The following GMIP variants were observed in gnomAD, a reference collection of about 807,000 sequenced individuals.
The protein encoded by GMIP is GEM-interacting protein.
Under a neutral mutation model 105.3 loss-of-function variants are expected in GMIP, and 54 were observed. That is an observed-to-expected ratio of 0.51 (90% CI 0.41 to 0.64). The LOEUF (loss-of-function observed/expected upper bound fraction) is 0.64, where lower values mean the gene tolerates loss of function less well. GMIP is among the 30% of genes least tolerant of loss of function. The probability of loss-of-function intolerance (pLI) is 0.00; values close to 1 mark genes in which losing one functional copy is unlikely to be tolerated. For missense variants in GMIP, 1,110 were observed against 1,319.4 expected, an observed-to-expected ratio of 0.84 and a Z score of 2.46; for synonymous variants, 541 against 560.8, an observed-to-expected ratio of 0.96 and a Z score of 0.50.
Position 19,635,190 on chromosome 19 carries a change from G to A in GMIP, c.1584C>T (p.Arg528=). The A allele has an allele frequency of 6.2e-7, 1 of 1,613,440 alleles. No homozygotes were observed. The highest frequency in any genetic ancestry group is 1.7e-5 in the Admixed American group (1 of 59,846). The part of the protein sequence containing the change: ...CEECFLTCHK[R]CLETLLILCG... ...AGAGGATCAGGAGAGTCTCCAGGCA[G>A]CGCTTGTGGCAGGTCAGAAAGCACT... The change falls in exon 16 of 21, where the codon CGC becomes CGT. Residue 528 remains arginine (R), a synonymous_variant. Transcript: ENST00000203556. The surrounding 1 kb of genome is among the most constrained non-coding windows in gnomAD (Gnocchi z 4.7).
chr19:19,635,232 G>A lies in GMIP; in HGVS notation c.1561-19C>T. On this transcript the variant is annotated intron_variant, in intron 15 of 20. Transcript: ENST00000203556. This position sits in a 1 kb window ranked among gnomAD's most constrained non-coding sequence, Gnocchi z 4.7. ...GAAAGCACTGTGGGGAAGGTCACAG[G>A]GACAGGGAGGTCATTAGGGACCAGT... 1.2e-6 allele frequency: 2 copies of A among 1,602,094 alleles called. No individual in the cohort carries two copies. The highest frequency in any genetic ancestry group is 1.7e-6 in the Non-Finnish European group (2 of 1,172,404).
chr19:19,637,110 C>G lies in GMIP; in HGVS notation c.1125-81G>C. On this transcript the variant is annotated intron_variant, in intron 11 of 20. Transcript: ENST00000203556. This position sits in a 1 kb window ranked among gnomAD's most constrained non-coding sequence, Gnocchi z 6.7. Reference sequence around the variant, plus strand: ...GCACCCAGGCATCATGTCTAGGTACCAACTCCAAGCACTTGGGTCTGCAAA... The same window carrying G: ...GCACCCAGGCATCATGTCTAGGTACGAACTCCAAGCACTTGGGTCTGCAAA... The G allele has an allele frequency of 1.1e-6, 1 of 906,366 alleles. No homozygotes were observed. The highest frequency in any genetic ancestry group is 1.7e-6 in the Non-Finnish European group (1 of 577,366). 56.1% of individuals were successfully genotyped at this position (906,366 alleles called of 1,614,324 possible).
chr19:19,643,548 C>A lies in GMIP; in HGVS notation c.-19G>T. On this transcript the variant is annotated 5_prime_UTR_variant, in exon 1 of 21. Coordinates refer to ENST00000203556, the MANE Select transcript of GMIP (RefSeq NM_016573.4). ...CGTCCATATCTGGGCCCGGGGATCG[C>A]TCTGCAGGGACCGGGATGGGGATGG... The A allele has an allele frequency of 6.5e-7, 1 of 1,542,698 alleles. No homozygotes were observed. The highest frequency in any genetic ancestry group is 8.7e-7 in the Non-Finnish European group (1 of 1,142,860).
Position 19,635,439 on chromosome 19 carries a change from C to G in GMIP, c.1536G>C (p.Met512Ile). 6.2e-7 allele frequency: 1 copy of G among 1,609,804 alleles called. No homozygotes were observed. Among genetic ancestry groups the G allele is most frequent in the Non-Finnish European group, 8.5e-7 (1 of 1,179,950 alleles). ...CCTCCTCACACTCCGTCCCGCTGACCATGAAGGCTTCGCACTCGCGGCACT... is the reference window on the plus strand; with the variant it reads ...CCTCCTCACACTCCGTCCCGCTGACGATGAAGGCTTCGCACTCGCGGCACT... The part of the protein sequence containing the change: ...PAKCRECEAF[M>I]VSGTECEECF... The change falls in exon 15 of 21, where the codon ATG becomes ATC. Residue 512 changes from methionine (M) to isoleucine (I), a missense_variant. Transcript: ENST00000203556. The surrounding 1 kb of genome is among the most constrained non-coding windows in gnomAD (Gnocchi z 4.7).
intron 19 of GMIP, among the ~76,000 whole-genome samples, chr19:19,631,680 C>A (rs2061796491): frequency 6.6e-6 from 1 of 152,192 alleles, no homozygotes; most frequent in Non-Finnish European, 1.5e-5. Context: ...AGACTGGTGA[C>A]CTTTGTTAAA....
In GMIP at chr19:19,634,666, G is replaced by C. The variant is rs142686681; in HGVS notation, c.1925C>G (p.Ala642Gly). 105 of 1,612,066 alleles carry C rather than the reference G, an allele frequency of 6.5e-5. No individual in the cohort carries two copies. The highest frequency in any genetic ancestry group is 8.2e-5 in the Non-Finnish European group (97 of 1,178,884). ...EPVIPFHLYD[A>G]FISLAKTLHA... ...CAAGGTCTTAGCCAGAGAGATGAAG[G>C]CGTCGTAGAGGTGGAAGGGGATCAC... The change falls in exon 18 of 21, where the codon GCC (alanine) becomes GGC (glycine). Residue 642 changes from alanine to glycine, a missense_variant. Transcript: ENST00000203556. This position sits in a 1 kb window ranked among gnomAD's most constrained non-coding sequence, Gnocchi z 6.1.
chr19:19,637,612 G>A lies in GMIP; in HGVS notation c.928-51C>T, dbSNP rs780977940. On this transcript the variant is annotated intron_variant, in intron 10 of 20. Transcript: ENST00000203556. The surrounding 1 kb of genome is among the most constrained non-coding windows in gnomAD (Gnocchi z 6.7). ...GGAGGGGCGGAGCCTGGGAGCCTGG[G>A]GGCAGGGCCAGAGCTGGGGCGGGGC... 1.4e-6 allele frequency: 2 copies of A among 1,391,314 alleles called. No homozygotes were observed. Among genetic ancestry groups the A allele is most frequent in the East Asian group, 5.1e-5 (2 of 38,936 alleles). The allele number at this position is 1,391,314 out of a possible 1,614,324, so 86.2% of individuals were successfully genotyped here.
chr19:19,632,473 G>T (rs1017620398), intron 19 of GMIP, among the ~76,000 whole-genome samples: 5 of 152,110 alleles, frequency 3.3e-5, no homozygotes, highest in Non-Finnish European at 2.9e-5. Flanking sequence ...GGCGGAGGTT[G>T]TGGTGAGCCG....
chr19:19,641,762 G>GAAAGAC (rs1258083689), intron 4 of GMIP, 48 bp downstream of exon 4: 1 of 1,358,850 alleles, frequency 7.4e-7, no homozygotes, highest in Admixed American at 1.8e-5. Context: ...TTTGTTGAAG[G>GAAAGAC]AAAGACTCCT....
chr19:19,635,060 T>C lies in GMIP; in HGVS notation c.1714A>G (p.Thr572Ala). 1 of 1,614,044 alleles carries C rather than the reference T, an allele frequency of 6.2e-7. No homozygotes were observed. Among genetic ancestry groups the C allele is most frequent in the South Asian group, 1.1e-5 (1 of 91,080 alleles). Reference sequence around the variant, plus strand: ...AGGGCACGGTGTTCTATCTCAGCCGTGCACTTCGTGACCACAAAGGGTACC... The same window carrying C: ...AGGGCACGGTGTTCTATCTCAGCCGCGCACTTCGTGACCACAAAGGGTACC... ...EEVPFVVTKC[T>A]AEIEHRALDV... Residue 572 changes from threonine (T) to alanine (A), a missense_variant, in exon 16 of 21, where the codon ACG becomes GCG. Thr to Ala is a moderately conservative substitution (Grantham distance 58). Coordinates refer to ENST00000203556, the MANE Select transcript of GMIP (RefSeq NM_016573.4). This position sits in a 1 kb window ranked among gnomAD's most constrained non-coding sequence, Gnocchi z 4.7.
chr19:19,637,421 G>C lies in GMIP; in HGVS notation c.1068C>G (p.Ala356=), dbSNP rs569562572. ...QEFVRALRPE[A]PPPPPPAFSF... ...AGAAGGCGGGCGGCGGGGGCGGCGG[G>C]GCCTCGGGCCGCAGCGCCCGTACAA... The change falls in exon 11 of 21, where the codon GCC becomes GCG. Residue 356 remains alanine, a synonymous_variant. Coordinates refer to ENST00000203556, the MANE Select transcript of GMIP (RefSeq NM_016573.4). The surrounding 1 kb of genome is among the most constrained non-coding windows in gnomAD (Gnocchi z 6.7). The C allele has an allele frequency of 2.0e-6, 3 of 1,491,298 alleles. No individual in the cohort carries two copies. Among genetic ancestry groups the C allele is most frequent in the Non-Finnish European group, 2.7e-6 (3 of 1,127,996 alleles). The allele number at this position is 1,491,298 out of a possible 1,614,324, so 92.4% of individuals were successfully genotyped here. A position where few individuals can be genotyped will look rare whatever the true frequency, so the allele number is the denominator to read the frequency against.
chr19:19,634,530 C>T lies in GMIP; in HGVS notation c.2061G>A (p.Arg687=), dbSNP rs770516747. ...QLPDSNYNTL[R]HLVAHLFRVA... ...ACCTGAACAGATGGGCCACCAGGTGCCGCAGGGTGTTGTAGTTAGAGTCAG... is the reference window on the plus strand; with the variant it reads ...ACCTGAACAGATGGGCCACCAGGTGTCGCAGGGTGTTGTAGTTAGAGTCAG... The change falls in exon 18 of 21, where the codon CGG becomes CGA. Residue 687 remains arginine (R), a synonymous_variant. Transcript: ENST00000203556. This position sits in a 1 kb window ranked among gnomAD's most constrained non-coding sequence, Gnocchi z 6.1. 4 of 1,611,864 alleles carry T rather than the reference C, an allele frequency of 2.5e-6. No homozygotes were observed. Among genetic ancestry groups the T allele is most frequent in the African/African-American group, 2.7e-5 (2 of 74,752 alleles).
At position 19,635,838 on chromosome 19, in the gene GMIP, C is replaced by G; in HGVS notation, c.1328-117G>C. ...GTCAGAGGTCAGGAGGGGGATTGGA[C>G]AGGTCAGTGGTTAAGGGTTGGAGAA... On this transcript the variant is annotated intron_variant, in intron 13 of 20. Coordinates refer to ENST00000203556, the MANE Select transcript of GMIP (RefSeq NM_016573.4). This position sits in a 1 kb window ranked among gnomAD's most constrained non-coding sequence, Gnocchi z 4.7. 1.2e-6 allele frequency: 1 copy of G among 827,250 alleles called. No homozygotes were observed. The highest frequency in any genetic ancestry group is 2.5e-5 in the East Asian group (1 of 40,438). The allele number at this position is 827,250 out of a possible 1,614,324, so 51.2% of individuals were successfully genotyped here. A position where few individuals can be genotyped will look rare whatever the true frequency, so the allele number is the denominator to read the frequency against.
chr19:19,631,803 C>T (rs957508225), intron 19 of GMIP, among the ~76,000 whole-genome samples: 4 of 151,236 alleles, frequency 2.6e-5, no homozygotes, highest in Admixed American at 6.6e-5. Flanking sequence ...CTGGCTAACA[C>T]GGTGAAACCC....
intron 1 of GMIP, among the ~76,000 whole-genome samples, chr19:19,642,927 A>T (rs1251883590): frequency 6.6e-6 from 1 of 152,152 alleles, no homozygotes; most frequent in Non-Finnish European, 1.5e-5. Flanking sequence ...CCGGTCTGAC[A>T]ATGGAACCAC....
chr19:19,635,014 C>G lies in GMIP; in HGVS notation c.1749+11G>C, dbSNP rs746830131. The G allele has an allele frequency of 3.1e-6, 5 of 1,613,370 alleles. No individual in the cohort carries two copies. The South Asian group carries it at 4.4e-5, about 14-fold the overall frequency. Reference sequence around the variant, plus strand: ...GTCACTTCTGGGGATGATGAAGGGTCAGGGCAGCACCTGCACATCCAGGGC... The same window carrying G: ...GTCACTTCTGGGGATGATGAAGGGTGAGGGCAGCACCTGCACATCCAGGGC... On this transcript the variant is annotated intron_variant, in intron 16 of 20. Transcript: ENST00000203556. The surrounding 1 kb of genome is among the most constrained non-coding windows in gnomAD (Gnocchi z 4.7).
intron 19 of GMIP, 122 bp downstream of exon 19, chr19:19,633,681 A>C (rs887772113): frequency 2.9e-6 from 2 of 683,986 alleles, no homozygotes; most frequent in Non-Finnish European, 4.4e-6. Context: ...AACATAAGTT[A>C]AATGAGGAAG....
chr19:19,636,916 C>A lies in GMIP; in HGVS notation c.1237+1G>T. 1 of 1,575,650 alleles carries A rather than the reference C, an allele frequency of 6.3e-7. No individual in the cohort carries two copies. ...TCCCACCTGGCCCTCATTGCACTCA[C>A]CTTGCCAGCGCCAGCCTGTGCCCGG... On this transcript the variant is annotated splice_donor_variant, in intron 12 of 20. Coordinates refer to ENST00000203556, the MANE Select transcript of GMIP (RefSeq NM_016573.4). LOFTEE classifies it high-confidence loss of function.
In GMIP at chr19:19,635,271, G is replaced by GTTTT. The variant is rs562554598; in HGVS notation, c.1561-59_1561-58insAAAA. On this transcript the variant is annotated intron_variant, in intron 15 of 20. Transcript: ENST00000203556. This position sits in a 1 kb window ranked among gnomAD's most constrained non-coding sequence, Gnocchi z 4.7. ...TTAGGGACCAGTAGGGGAAGAGAAG[G>GTTTT]TTACAAGGATCCTCAAGGAATGGGG... The GTTTT allele has an allele frequency of 3.7e-4, 577 of 1,552,066 alleles. 2 individuals are homozygous for GTTTT. In the African/African-American group the frequency reaches 7.3e-3, roughly 20 times the overall value.
Sources: gnomAD v4.1 joint callset for allele counts (sites outside exome capture counted in the v4.1 genomes callset) on GRCh38, gnomAD v4.1.1 for gene constraint, Gnocchi (gnomAD v3.1) non-coding constraint, MANE v1.5 for transcripts, NCBI Gene and HGNC (gene_info 2026-07-23, HGNC 2026-07-21) for gene names.